PRPF3: variants seen among roughly 807,000 people sequenced by gnomAD.
PRPF3 encodes pre-mRNA processing factor 3.
A neutral mutation model predicts 89.2 loss-of-function variants in PRPF3; 3 were observed. The ratio of observed to expected loss-of-function variants is 0.03; its 90% CI spans 0.02 to 0.09. The LOEUF (loss-of-function observed/expected upper bound fraction) is 0.09, where lower values mean the gene tolerates loss of function less well. PRPF3 is among the 10% of genes least tolerant of loss of function. The pLI, the probability that PRPF3 is intolerant of heterozygous loss-of-function variation, is 1.00. For synonymous variants in PRPF3, 270 were observed against 289.1 expected (o/e 0.93, Z 0.67); for missense variants, 463 against 828.8 (o/e 0.56, Z 5.42).
intron 3 of PRPF3, 75 bp downstream of exon 3, chr1:150,325,956 A>G: frequency 1.9e-6 from 3 of 1,550,170 alleles, no homozygotes; most frequent in Non-Finnish European, 1.8e-6. Flanking sequence ...TTACCAGTTC[A>G]CACGTTGATA....
At chr1:150,323,140 G>A (rs1363039879) in intron 1 of PRPF3, among the ~76,000 whole-genome samples, 1 of 132,322 alleles carries the variant, frequency 7.6e-6, no homozygotes, top group Admixed American at 8.0e-5. Context: ...CTCCCAAAGT[G>A]TTGGGATTAC....
chr1:150,343,214 C>T, intron 9 of PRPF3, 95 bp from the exon 10 acceptor site: 1 of 788,786 alleles, frequency 1.3e-6, no homozygotes, highest in Non-Finnish European at 1.7e-6. Context: ...TGCACTCCAA[C>T]CTGGGTGACA....
At chr1:150,347,862 T>C (rs587757266) in intron 14 of PRPF3, among the ~76,000 whole-genome samples, 8 of 152,300 alleles carry the variant, frequency 5.3e-5, no homozygotes, top group Admixed American at 4.6e-4. Flanking sequence ...TATTTTTATC[T>C]CATGTAAGAG....
At chr1:150,323,912 G>A (rs1280269155) in intron 1 of PRPF3, among the ~76,000 whole-genome samples, 4 of 151,522 alleles carry the variant, frequency 2.6e-5, no homozygotes, top group African/African-American at 9.7e-5. Flanking sequence ...GAGTAGCTGG[G>A]ATTACAGGCG....
intron 4 of PRPF3, among the ~76,000 whole-genome samples, chr1:150,331,375 C>T (rs1369055435): frequency 6.7e-6 from 1 of 150,192 alleles, no homozygotes; most frequent in Non-Finnish European, 1.5e-5. Context: ...TCTTTCTTTA[C>T]TTATTTAGAG....
chr1:150,336,245 C>T (rs1656982221), intron 7 of PRPF3, among the ~76,000 whole-genome samples: 1 of 152,038 alleles, frequency 6.6e-6, no homozygotes, highest in South Asian at 2.1e-4. Context: ...CAACATAGCC[C>T]CCTCACATGT....
At chr1:150,332,821 C>T in intron 5 of PRPF3, 54 bp downstream of exon 5, 1 of 1,584,926 alleles carries the variant, frequency 6.3e-7, no homozygotes, top group East Asian at 2.2e-5. Context: ...GAATTTCTTG[C>T]CATCCACTCA....
At chr1:150,347,305 TACACAC>T (rs782587929) in intron 14 of PRPF3, among the ~76,000 whole-genome samples, 57 of 151,738 alleles carry the variant, frequency 3.8e-4, no homozygotes, top group Non-Finnish European at 7.4e-4. Context: ...TACACACATG[TACACAC>T]ACATACACAT....
rs79565617 is a variant in PRPF3 at position 150,343,596 on chromosome 1, A to G, written c.1426+144A>G. On this transcript the variant is annotated intron_variant, in intron 10 of 15. Coordinates refer to ENST00000324862, the MANE Select transcript of PRPF3 (RefSeq NM_004698.4). Reference sequence around the variant, plus strand: ...GTCCTTTTTCTCCAAGTTTTCTACCATCTTTTCATATTAAGATAGGTCAAC... The same window carrying G: ...GTCCTTTTTCTCCAAGTTTTCTACCGTCTTTTCATATTAAGATAGGTCAAC... 5,770 of 1,138,830 alleles carry G rather than the reference A, an allele frequency of 5.1e-3. 298 individuals carry two copies. In the East Asian group the frequency reaches 0.12, roughly 24 times the overall value. 70.5% of individuals were successfully genotyped at this position (1,138,830 alleles called of 1,614,324 possible).
Position 150,344,520 on chromosome 1 carries a change from C to T in PRPF3, c.1613C>T (p.Ser538Leu), listed in dbSNP as rs1658087547. The change falls in exon 12 of 16, where the codon TCA becomes TTA. Residue 538 changes from serine to leucine, a missense_variant. Ser to Leu is a moderately radical substitution (Grantham distance 145). Transcript: ENST00000324862. ...ATTAAAAAGCTTAAAGAAGACATTT[C>T]ACAGGGGGTACACATATCTGTATAT... ...KKIKKLKEDI[S>L]QGVHISVYRV... 2 of 1,613,980 alleles carry T rather than the reference C, an allele frequency of 1.2e-6. No individual in the cohort carries two copies. The highest frequency in any genetic ancestry group is 2.7e-5 in the African/African-American group (2 of 74,916).
At chr1:150,322,811 C>A (rs1215006198) in intron 1 of PRPF3, among the ~76,000 whole-genome samples, 1 of 151,608 alleles carries the variant, frequency 6.6e-6, no homozygotes, top group East Asian at 1.9e-4. Context: ...TGATAAGTGG[C>A]ACTGCTGGGA....
intron 14 of PRPF3, among the ~76,000 whole-genome samples, chr1:150,348,475 T>TTTTTTTTTTTTTTTTTTTTTTTTTTC (rs1553873623): frequency 7.6e-6 from 1 of 131,048 alleles, no homozygotes; most frequent in African/African-American, 3.0e-5. Context: ...TTTTTTTTTT[T>TTTTTTTTTTTTTTTTTTTTTTTTTTC]TTTTGAGATG....
intron 14 of PRPF3, among the ~76,000 whole-genome samples, chr1:150,347,287 CACAT>C (rs1434811065): frequency 9.9e-5 from 15 of 151,680 alleles, no homozygotes; most frequent in South Asian, 2.1e-4. Flanking sequence ...CACACACACA[CACAT>C]ACATACACAC....
At chr1:150,348,878 ATTC>A in intron 14 of PRPF3, 1 of 433,736 alleles carries the variant, frequency 2.3e-6, no homozygotes, top group East Asian at 4.6e-5. Context: ...ACAAGTTTTT[ATTC>A]TTGACTGCTT....
intron 15 of PRPF3, among the ~76,000 whole-genome samples, chr1:150,352,347 A>G (rs1430064273): frequency 2.6e-5 from 4 of 152,226 alleles, no homozygotes; most frequent in Admixed American, 2.0e-4. Flanking sequence ...AGCCTTATGC[A>G]TATGAATTCG....
At chr1:150,324,178 C>G (rs1306743295) in intron 1 of PRPF3, among the ~76,000 whole-genome samples, 1 of 152,126 alleles carries the variant, frequency 6.6e-6, no homozygotes, top group Non-Finnish European at 1.5e-5. Flanking sequence ...GGGAATCCTA[C>G]ATAAGTCAGG....
Position 150,352,822 on chromosome 1 carries a change from C to A in PRPF3, c.1906-11C>A. 7.4e-6 allele frequency: 12 copies of A among 1,613,336 alleles called. No individual in the cohort carries two copies. Among genetic ancestry groups the A allele is most frequent in the Non-Finnish European group, 1.0e-5 (12 of 1,179,382 alleles). On this transcript the variant is annotated splice_polypyrimidine_tract_variant and intron_variant, in intron 15 of 15. Transcript: ENST00000324862. The stretch of plus-strand genomic sequence containing the variant: ...AAATTGAAGTGTTTTTATTATATAT[C>A]TCTTTTCTAGGGTACAGCCAAAGAC...
At position 150,335,329 on chromosome 1, in the gene PRPF3, T is replaced by C. The variant is rs1553867075; in HGVS notation, c.1035+88T>C. ...GTTAAATCTCTGTGTTCTAGGAAAT[T>C]AGATAAATAGGTCATTTAAAGCAGC... is the stretch of plus-strand genomic sequence containing the variant. On this transcript the variant is annotated intron_variant, in intron 7 of 15. Coordinates refer to ENST00000324862, the MANE Select transcript of PRPF3 (RefSeq NM_004698.4). 9.0e-6 allele frequency: 13 copies of C among 1,445,820 alleles called. 1 individual carries two copies. In the East Asian group the frequency reaches 9.1e-5, roughly 10 times the overall value. The allele number at this position is 1,445,820 out of a possible 1,614,324, so 89.6% of individuals were successfully genotyped here.
Position 150,346,581 on chromosome 1 carries a change from A to C in PRPF3, c.1843+90A>C, listed in dbSNP as rs587770380. ...GTTCATCTTATTTCCTCCCTGTGACACTCTTGATAACACTAGATAGTGTTC... is the reference window on the plus strand; with the variant it reads ...GTTCATCTTATTTCCTCCCTGTGACCCTCTTGATAACACTAGATAGTGTTC... On this transcript the variant is annotated intron_variant, in intron 14 of 15. Transcript: ENST00000324862. The C allele has an allele frequency of 6.2e-6, 8 of 1,282,994 alleles. No individual in the cohort carries two copies. In the African/African-American group the frequency reaches 7.3e-5, roughly 12 times the overall value. 79.5% of individuals were successfully genotyped at this position (1,282,994 alleles called of 1,614,324 possible).
Sources: allele counts gnomAD v4.1 joint callset (sites outside exome capture counted in the v4.1 genomes callset), GRCh38; gene constraint gnomAD v4.1.1; transcripts MANE v1.5; gene names NCBI Gene and HGNC (gene_info 2026-07-23, HGNC 2026-07-21).